Variants in GULP1 observed in about 807,000 individuals in gnomAD.
The protein encoded by GULP1 is PTB domain-containing engulfment adapter protein 1.
A neutral mutation model predicts 40.9 loss-of-function variants in GULP1; 19 were observed. That is an observed-to-expected ratio of 0.46 (90% CI 0.32 to 0.68). The LOEUF is 0.68. Among genes scored for constraint, GULP1 ranks in the 30% least tolerant of loss-of-function variants. The pLI, the probability that GULP1 is intolerant of heterozygous loss-of-function variation, is 0.03. For synonymous variants in GULP1, 119 were observed against 117.6 expected (o/e 1.01, Z -0.08); for missense variants, 312 against 362.2 (o/e 0.86, Z 1.12).
chr2:188,557,848 C>T (rs1212696655), intron 7 of GULP1, among the ~76,000 whole-genome samples: 1 of 152,206 alleles, frequency 6.6e-6, no homozygotes, highest in Non-Finnish European at 1.5e-5. Flanking sequence ...CTTGCACCCT[C>T]TGAAGCAGTG....
intron 2 of GULP1, among the ~76,000 whole-genome samples, chr2:188,409,386 A>G (rs2053570831): frequency 6.6e-6 from 1 of 152,176 alleles, no homozygotes; most frequent in Non-Finnish European, 1.5e-5. Flanking sequence ...GATATATTCA[A>G]CCTACTTATG....
At chr2:188,589,468 T>C (rs1335256594) in intron 11 of GULP1, 1 of 257,782 alleles carries the variant, frequency 3.9e-6, no homozygotes, top group Non-Finnish European at 7.3e-6. Flanking sequence ...GAAATATTTA[T>C]GTGGTAGTAT....
chr2:188,492,959 A>G (rs2062547391), intron 4 of GULP1, among the ~76,000 whole-genome samples: 1 of 152,030 alleles, frequency 6.6e-6, no homozygotes. Flanking sequence ...AGTCCACCCC[A>G]GTTTTTGTTT....
chr2:188,316,058 C>T (rs1357608662), intron 1 of GULP1, among the ~76,000 whole-genome samples: 5 of 151,764 alleles, frequency 3.3e-5, no homozygotes, highest in African/African-American at 7.3e-5. Context: ...TAGGGTAAAA[C>T]GTGGAAGAAA....
intron 2 of GULP1, among the ~76,000 whole-genome samples, chr2:188,469,352 C>A (rs1441564696): frequency 6.6e-6 from 1 of 152,162 alleles, no homozygotes; most frequent in Admixed American, 6.5e-5. Flanking sequence ...GGGATAATTT[C>A]TTTTAACTTT....
intron 2 of GULP1, among the ~76,000 whole-genome samples, chr2:188,391,905 T>C (rs1445275283): frequency 6.6e-6 from 1 of 151,978 alleles, no homozygotes; most frequent in Non-Finnish European, 1.5e-5. Flanking sequence ...AGGTGATGTG[T>C]GTTGCATTAT....
chr2:188,335,127 T>C (rs532056040), intron 1 of GULP1, among the ~76,000 whole-genome samples: 2 of 152,328 alleles, frequency 1.3e-5, no homozygotes, highest in East Asian at 3.9e-4. Context: ...TTTTGATATA[T>C]CATAAACTGT....
intron 1 of GULP1, among the ~76,000 whole-genome samples, chr2:188,310,647 G>T (rs1327247757): frequency 6.6e-6 from 1 of 152,116 alleles, no homozygotes; most frequent in Admixed American, 6.6e-5. Context: ...TATACCATTT[G>T]GAAGTAGGGG....
At chr2:188,341,948 A>C (rs1014677470) in intron 1 of GULP1, among the ~76,000 whole-genome samples, 1 of 152,196 alleles carries the variant, frequency 6.6e-6, no homozygotes, top group Non-Finnish European at 1.5e-5. Context: ...CAGTCTAGGC[A>C]CTTAACTTTT....
At chr2:188,529,376 T>G (rs964637599) in intron 6 of GULP1, among the ~76,000 whole-genome samples, 181 bp downstream of exon 6, 3 of 152,142 alleles carry the variant, frequency 2.0e-5, no homozygotes, top group Admixed American at 1.3e-4. Context: ...TAAGTGATCT[T>G]TTCTTCAGCT....
At chr2:188,330,869 A>C (rs2041476996) in intron 1 of GULP1, among the ~76,000 whole-genome samples, 1 of 152,166 alleles carries the variant, frequency 6.6e-6, no homozygotes, top group African/African-American at 2.4e-5. Flanking sequence ...AGGTATGCCA[A>C]AGATGCCTGG....
chr2:188,396,907 A>G (rs1358485583), intron 2 of GULP1, among the ~76,000 whole-genome samples: 2 of 152,034 alleles, frequency 1.3e-5, no homozygotes, highest in Non-Finnish European at 2.9e-5. Flanking sequence ...TCCCACTTTT[A>G]TATTGCCCAC....
chr2:188,518,633 CATGTGGA>C (rs2065426756), intron 4 of GULP1, among the ~76,000 whole-genome samples: 2 of 152,054 alleles, frequency 1.3e-5, no homozygotes, highest in Non-Finnish European at 2.9e-5. Flanking sequence ...ACCAGCAAAG[CATGTGGA>C]AACTGGAAGA....
intron 1 of GULP1, among the ~76,000 whole-genome samples, chr2:188,316,404 T>G (rs145126754): frequency 4.4e-4 from 67 of 152,286 alleles, no homozygotes; most frequent in African/African-American, 1.5e-3. Flanking sequence ...GTACATTTTC[T>G]CCATTTGAGT....
intron 2 of GULP1, among the ~76,000 whole-genome samples, chr2:188,459,704 A>G (rs1208851143): frequency 6.6e-6 from 1 of 152,072 alleles, no homozygotes; most frequent in Admixed American, 6.6e-5. Context: ...GGTTATTACT[A>G]AAGAAATTTT....
chr2:188,369,685 T>C (rs1287629645), intron 1 of GULP1, among the ~76,000 whole-genome samples: 5 of 152,194 alleles, frequency 3.3e-5, no homozygotes, highest in African/African-American at 1.2e-4. Context: ...TCTTATCACT[T>C]ATACTTATTA....
intron 2 of GULP1, among the ~76,000 whole-genome samples, chr2:188,461,961 T>C (rs962679518): frequency 3.9e-5 from 6 of 152,106 alleles, no homozygotes; most frequent in Non-Finnish European, 7.4e-5. Context: ...ATTTCTCCTC[T>C]GTTGGTTTGG....
At chr2:188,375,548 C>CA (rs2048189069) in intron 1 of GULP1, among the ~76,000 whole-genome samples, 1 of 152,126 alleles carries the variant, frequency 6.6e-6, no homozygotes. Flanking sequence ...TACAAAAGTG[C>CA]TTAATAAGAA....
intron 1 of GULP1, among the ~76,000 whole-genome samples, chr2:188,310,419 G>A (rs183664375): frequency 2.8e-4 from 42 of 152,316 alleles, no homozygotes; most frequent in African/African-American, 1.0e-3. Flanking sequence ...TATAGAAATT[G>A]TTGGTTGATT....
Sources: allele counts gnomAD v4.1 joint callset (sites outside exome capture counted in the v4.1 genomes callset), GRCh38; gene constraint gnomAD v4.1.1; transcripts MANE v1.5; gene names NCBI Gene and HGNC (gene_info 2026-07-23, HGNC 2026-07-21).